Variants in ANK2 observed in about 807,000 individuals in gnomAD.
ANK2 encodes the protein ankyrin 2.
ANK2 carries 83 observed loss-of-function variants against 360.5 expected under a neutral mutation model. The ratio of observed to expected loss-of-function variants is 0.23; its 90% confidence interval spans 0.19 to 0.28. The LOEUF is 0.28. Ranked by LOEUF, ANK2 falls within the 10% of genes least tolerant of loss-of-function variation. ANK2 has a pLI of 1.00. For synonymous variants in ANK2, 1,740 were observed against 1,759.5 expected, an observed-to-expected ratio of 0.99 and a Z score of 0.28; for missense variants, 4,201 against 4,795.7, an observed-to-expected ratio of 0.88 and a Z score of 3.66.
chr4:113,071,035 T>G (rs984290372), intron 1 of ANK2, among the ~76,000 whole-genome samples: 5 of 152,148 alleles, frequency 3.3e-5, no homozygotes, highest in African/African-American at 7.2e-5. Context: ...TAGATTTACT[T>G]AGAACAAAGT....
intron 40 of ANK2, 43 bp from the exon 41 acceptor site, chr4:113,364,996 G>A (rs1332462846): frequency 6.2e-7 from 1 of 1,612,246 alleles, no homozygotes; most frequent in African/African-American, 1.3e-5. Flanking sequence ...ATTTTTAAGA[G>A]TACCTCTCAG....
At chr4:112,836,522 G>A (rs2061024090) in intron 1 of ANK2, among the ~76,000 whole-genome samples, 1 of 152,196 alleles carries the variant, frequency 6.6e-6, no homozygotes, top group Non-Finnish European at 1.5e-5. Context: ...ACAGGGAGAT[G>A]AAGGAAAGTT....
At chr4:112,823,807 A>T (rs147184883) in intron 1 of ANK2, among the ~76,000 whole-genome samples, 10 of 152,308 alleles carry the variant, frequency 6.6e-5, no homozygotes, top group African/African-American at 2.2e-4. Context: ...CATCCATCTA[A>T]ATGTCCAAAG....
intron 27 of ANK2, 73 bp from the exon 28 acceptor site, chr4:113,331,899 T>TG (rs2092539678): frequency 7.2e-7 from 1 of 1,381,840 alleles, no homozygotes. Flanking sequence ...CTGGCGACGC[T>TG]GGGGTTCTGT....
Position 113,353,503 on chromosome 4 carries a change from G to A in ANK2, c.4885G>A (p.Val1629Ile). ...VRIDKEIKGK[V>I]EKDSTGLVNY... The stretch of plus-strand genomic sequence containing the variant: ...AATAGATAAAGAGATCAAAGGAAAA[G>A]TAGAGAAAGACTCAACTGGGCTAGT... Residue 1629 changes from valine (V) to isoleucine (I), a missense_variant, in exon 38 of 46, where the codon GTA (valine) becomes ATA (isoleucine). Transcript: ENST00000357077. 1 of 1,614,054 alleles carries A rather than the reference G, an allele frequency of 6.2e-7. No homozygotes were observed. Among genetic ancestry groups the A allele is most frequent in the South Asian group, 1.1e-5 (1 of 91,078 alleles).
At chr4:112,801,228 G>C in the ANK2 span, among the ~76,000 whole-genome samples, 6 of 152,096 alleles carry the variant, frequency 3.9e-5, no homozygotes, top group African/African-American at 1.4e-4. Context: ...AATGCAAATT[G>C]TTCCTCAATA....
At chr4:112,957,769 C>T (rs1370937062) in intron 2 of ANK2, among the ~76,000 whole-genome samples, 1 of 150,816 alleles carries the variant, frequency 6.6e-6, no homozygotes, top group Non-Finnish European at 1.5e-5. Context: ...GGGGTGGCTG[C>T]CGGGCGGAGG....
At chr4:112,762,746 G>A in the ANK2 span, among the ~76,000 whole-genome samples, 1 of 152,208 alleles carries the variant, frequency 6.6e-6, no homozygotes, top group Non-Finnish European at 1.5e-5. Flanking sequence ...CTGACCTCAG[G>A]TGATCCACCC....
At chr4:113,315,896 C>CAAAAAAA (rs70961811) in intron 24 of ANK2, among the ~76,000 whole-genome samples, 4 of 49,312 alleles carry the variant, frequency 8.1e-5, no homozygotes, top group Non-Finnish European at 1.4e-4. Context: ...GACTCCGTCT[C>CAAAAAAA]AAAAAAAAAA....
intron 4 of ANK2, among the ~76,000 whole-genome samples, chr4:113,215,941 G>A (rs975896039): frequency 1.3e-5 from 2 of 151,936 alleles, no homozygotes; most frequent in South Asian, 2.1e-4. Context: ...ACTTAATAAG[G>A]AAAGGTATTA....
intron 1 of ANK2, among the ~76,000 whole-genome samples, chr4:113,128,260 T>C (rs1471467781): frequency 6.6e-6 from 1 of 152,198 alleles, no homozygotes; most frequent in Non-Finnish European, 1.5e-5. Flanking sequence ...CTCAGTTGTC[T>C]CATCTGTAAA....
At chr4:113,271,181 A>G (rs1247474055) in intron 14 of ANK2, among the ~76,000 whole-genome samples, 5 of 152,168 alleles carry the variant, frequency 3.3e-5, no homozygotes, top group Non-Finnish European at 7.4e-5. Context: ...TCTTCCTCCC[A>G]TCCGAACAAA....
At chr4:113,064,548 A>C (rs1472167737) in intron 1 of ANK2, among the ~76,000 whole-genome samples, 1 of 152,166 alleles carries the variant, frequency 6.6e-6, no homozygotes, top group Non-Finnish European at 1.5e-5. Flanking sequence ...AGCCCTGCTT[A>C]TCCACCTCAC....
intron 2 of ANK2, among the ~76,000 whole-genome samples, chr4:112,930,219 C>A (rs2093041502): frequency 6.6e-6 from 1 of 151,528 alleles, no homozygotes; most frequent in African/African-American, 2.4e-5. Flanking sequence ...CTGAGGCGGG[C>A]AGATTGTTTG....
At chr4:112,958,071 T>C (rs1359922241) in intron 2 of ANK2, among the ~76,000 whole-genome samples, 17 of 141,274 alleles carry the variant, frequency 1.2e-4, no homozygotes, top group Non-Finnish European at 2.0e-4. Context: ...ACTTCCTAGA[T>C]GGGATGGCGG....
upstream of ANK2, among the ~76,000 whole-genome samples, chr4:113,045,176 A>C (rs1162903825): frequency 6.6e-6 from 1 of 152,204 alleles, no homozygotes; most frequent in African/African-American, 2.4e-5. Flanking sequence ...AGAGTTCTTA[A>C]TACTATTAAC....
At chr4:113,283,199 T>C (rs1488923640) in intron 18 of ANK2, among the ~76,000 whole-genome samples, 5 of 152,210 alleles carry the variant, frequency 3.3e-5, no homozygotes, top group Non-Finnish European at 5.9e-5. Context: ...TTAACATCAC[T>C]ATAATTGCTC....
At chr4:113,136,958 A>G (rs756457611) in intron 1 of ANK2, among the ~76,000 whole-genome samples, 4 of 152,006 alleles carry the variant, frequency 2.6e-5, no homozygotes, top group South Asian at 2.1e-4. Flanking sequence ...AGGTTTCACC[A>G]TGCTGGCCAA....
chr4:112,754,518 G>GGC, the ANK2 span, among the ~76,000 whole-genome samples: 5 of 14,920 alleles, frequency 3.4e-4, no homozygotes, highest in East Asian at 0.037. Context: ...TTTTTTTTTT[G>GGC]GGGGGGCGTG....
Sources: allele counts gnomAD v4.1 joint callset (sites outside exome capture counted in the v4.1 genomes callset), GRCh38; gene constraint gnomAD v4.1.1; transcripts MANE v1.5; gene names NCBI Gene and HGNC (gene_info 2026-07-23, HGNC 2026-07-21).